MYO16: variants seen among roughly 807,000 people sequenced by gnomAD.
MYO16 encodes the protein myosin XVI, also known as unconventional myosin-XVI.
MYO16 carries 94 observed loss-of-function variants against 205.3 expected under a neutral mutation model. That is an observed-to-expected ratio of 0.46 (90% CI 0.39 to 0.54). The LOEUF is 0.54. MYO16 is among the 20% of genes least tolerant of loss of function. MYO16 has a pLI of 0.00. For missense variants in MYO16, 2,315 were observed against 2,387.5 expected (o/e 0.97, Z 0.63); for synonymous variants, 988 against 954.0 (o/e 1.04, Z -0.66).
intron 21 of MYO16, among the ~76,000 whole-genome samples, chr13:109,008,212 T>G (rs895496900): frequency 1.3e-5 from 2 of 152,230 alleles, no homozygotes; most frequent in Admixed American, 6.5e-5. Flanking sequence ...GGTAGACTAA[T>G]TGGTTGGAAA....
intron 2 of MYO16, among the ~76,000 whole-genome samples, chr13:108,687,535 T>G (rs1470952738): frequency 6.6e-6 from 1 of 152,144 alleles, no homozygotes; most frequent in Non-Finnish European, 1.5e-5. Flanking sequence ...CTGCTCTGCA[T>G]TCATTTTAAA....
At chr13:109,030,623 C>T (rs997249345) in intron 23 of MYO16, among the ~76,000 whole-genome samples, 1 of 152,112 alleles carries the variant, frequency 6.6e-6, no homozygotes, top group African/African-American at 2.4e-5. Context: ...TGATGTTTCT[C>T]AGAGCAGGGA....
intron 31 of MYO16, among the ~76,000 whole-genome samples, chr13:109,135,372 G>A (rs1194700711): frequency 1.3e-5 from 2 of 152,200 alleles, no homozygotes; most frequent in African/African-American, 4.8e-5. Context: ...TAGCTCTTAG[G>A]TCTATGTTCT....
chr13:109,197,384 T>A (rs1232631730), intron 34 of MYO16, among the ~76,000 whole-genome samples: 1 of 152,158 alleles, frequency 6.6e-6, no homozygotes, highest in Non-Finnish European at 1.5e-5. Flanking sequence ...TGGAGCTGAG[T>A]TGCCCATTTA....
intron 16 of MYO16, among the ~76,000 whole-genome samples, chr13:108,957,313 G>A (rs1234408626): frequency 6.7e-6 from 1 of 149,672 alleles, no homozygotes; most frequent in Non-Finnish European, 1.5e-5. Context: ...GAACCTGGGA[G>A]GTGGAGGTTG....
intron 5 of MYO16, among the ~76,000 whole-genome samples, chr13:108,786,284 C>T (rs980288595): frequency 2.0e-5 from 3 of 152,166 alleles, no homozygotes; most frequent in Admixed American, 1.3e-4. Flanking sequence ...AGGCTGAGCC[C>T]CTAAATGCAT....
the MYO16 span, among the ~76,000 whole-genome samples, chr13:108,503,836 C>A: frequency 5.6e-4 from 85 of 151,964 alleles, no homozygotes; most frequent in African/African-American, 2.0e-3. Flanking sequence ...TGCAAAGTAA[C>A]CTGATGACCT....
At chr13:108,571,926 C>CT in the MYO16 span, among the ~76,000 whole-genome samples, 15,539 of 142,554 alleles carry the variant, frequency 0.11, 1,016 homozygotes, top group East Asian at 0.28. Context: ...GCTGTTTTTT[C>CT]TTTTTTTTTT....
At chr13:108,543,318 A>G in the MYO16 span, among the ~76,000 whole-genome samples, 1 of 152,216 alleles carries the variant, frequency 6.6e-6, no homozygotes. Flanking sequence ...TAAGGATAAT[A>G]TACCTTCATG....
At chr13:108,705,741 T>G (rs181049352) in intron 2 of MYO16, among the ~76,000 whole-genome samples, 1 of 152,194 alleles carries the variant, frequency 6.6e-6, no homozygotes, top group East Asian at 1.9e-4. Context: ...AAGGTAATAC[T>G]AGTAAAATTA....
At chr13:108,524,154 G>A in the MYO16 span, among the ~76,000 whole-genome samples, 1 of 151,482 alleles carries the variant, frequency 6.6e-6, no homozygotes, top group Non-Finnish European at 1.5e-5. Context: ...AAAAAAATTA[G>A]CCTGGGGTGG....
At chr13:108,688,698 A>G (rs78895369) in intron 2 of MYO16, among the ~76,000 whole-genome samples, 12,892 of 152,172 alleles carry the variant, frequency 0.085, 854 homozygotes, top group East Asian at 0.27. Context: ...TTTTCTCCTG[A>G]ACTTTTTATG....
At chr13:108,954,722 G>C (rs1334319340) in intron 16 of MYO16, among the ~76,000 whole-genome samples, 1 of 152,126 alleles carries the variant, frequency 6.6e-6, no homozygotes, top group Non-Finnish European at 1.5e-5. Context: ...CCTGGAGACA[G>C]AGCAAGACCC....
chr13:108,912,994 C>G (rs1161279973), intron 16 of MYO16, among the ~76,000 whole-genome samples: 1 of 152,108 alleles, frequency 6.6e-6, no homozygotes, highest in African/African-American at 2.4e-5. Context: ...TGGGAGAAAA[C>G]AAGGATTTCT....
intron 31 of MYO16, among the ~76,000 whole-genome samples, chr13:109,129,460 C>T (rs1351760231): frequency 6.6e-6 from 1 of 152,068 alleles, no homozygotes; most frequent in South Asian, 2.1e-4. Context: ...CATTCTCCCC[C>T]GGTGCCACAT....
intron 20 of MYO16, among the ~76,000 whole-genome samples, chr13:108,968,034 G>A (rs1427321590): frequency 2.0e-5 from 3 of 152,100 alleles, no homozygotes; most frequent in African/African-American, 4.8e-5. Context: ...ATTTGTATGC[G>A]AATGTCATTA....
chr13:109,150,268 G>A (rs1474419009), intron 32 of MYO16, among the ~76,000 whole-genome samples: 7 of 152,128 alleles, frequency 4.6e-5, no homozygotes, highest in Admixed American at 1.3e-4. Context: ...CGTAGAAACC[G>A]ACATCGGTAA....
chr13:109,005,988 C>T (rs1213546606), intron 21 of MYO16, among the ~76,000 whole-genome samples: 1 of 152,126 alleles, frequency 6.6e-6, no homozygotes, highest in African/African-American at 2.4e-5. Flanking sequence ...TGGGAGCTCC[C>T]TTTGGGAGGA....
chr13:108,731,131 T>A (rs1290053681), intron 4 of MYO16, among the ~76,000 whole-genome samples: 3 of 152,198 alleles, frequency 2.0e-5, no homozygotes, highest in South Asian at 2.1e-4. Flanking sequence ...ATTCAGTAAT[T>A]CTTTGTCTAA....
Sources: gnomAD v4.1 joint callset for allele counts (sites outside exome capture counted in the v4.1 genomes callset) on GRCh38, gnomAD v4.1.1 for gene constraint, MANE v1.5 for transcripts, NCBI Gene and HGNC (gene_info 2026-07-23, HGNC 2026-07-21) for gene names.